The following FCHSD2 variants were observed in gnomAD, a reference collection of about 807,000 sequenced individuals.
FCHSD2 encodes F-BAR and double SH3 domains protein 2.
A neutral mutation model predicts 108.1 loss-of-function variants in FCHSD2; 38 were observed. The observed-to-expected ratio is 0.35, with a 90% CI of 0.27 to 0.46. The LOEUF is 0.46. FCHSD2 is among the 20% of genes least tolerant of loss of function. The pLI is 1.00. For synonymous variants in FCHSD2, 279 were observed against 314.7 expected (o/e 0.89, Z 1.20); for missense variants, 751 against 897.8 (o/e 0.84, Z 2.09).
intron 13 of FCHSD2, 99 bp downstream of exon 13, chr11:72,867,766 A>C (rs1404149874): frequency 8.0e-6 from 8 of 995,406 alleles, no homozygotes; most frequent in Non-Finnish European, 1.2e-5. Flanking sequence ...GCAAACTATT[A>C]TCTTTTTAAA....
intron 19 of FCHSD2, among the ~76,000 whole-genome samples, chr11:72,839,300 G>C (rs1397774474): frequency 6.6e-6 from 1 of 152,184 alleles, no homozygotes; most frequent in East Asian, 1.9e-4. Context: ...TTAAACATCT[G>C]CTTTAAGAAG....
At chr11:72,967,308 G>A (rs754323699) in intron 8 of FCHSD2, among the ~76,000 whole-genome samples, 18 of 151,968 alleles carry the variant, frequency 1.2e-4, no homozygotes, top group Non-Finnish European at 1.9e-4. Flanking sequence ...GGGGGAAATA[G>A]ATGAGAATAG....
chr11:72,969,141 CTAAGT>C (rs1228857564), intron 8 of FCHSD2, among the ~76,000 whole-genome samples: 3 of 152,182 alleles, frequency 2.0e-5, no homozygotes, highest in African/African-American at 7.2e-5. Context: ...ATTGTCAGCA[CTAAGT>C]TAATACTTGA....
At chr11:73,094,751 T>TTAATAA (rs1289142949) in intron 2 of FCHSD2, among the ~76,000 whole-genome samples, 1 of 152,224 alleles carries the variant, frequency 6.6e-6, no homozygotes, top group Non-Finnish European at 1.5e-5. Flanking sequence ...TGATAATTGT[T>TTAATAA]TAATAAAGAA....
At chr11:72,856,980 T>C (rs1861444093) in intron 13 of FCHSD2, among the ~76,000 whole-genome samples, 1 of 152,224 alleles carries the variant, frequency 6.6e-6, no homozygotes, top group African/African-American at 2.4e-5. Flanking sequence ...CATACATTTA[T>C]AAAAATGTGG....
intron 8 of FCHSD2, among the ~76,000 whole-genome samples, chr11:72,925,527 A>AAAAC (rs891794785): frequency 3.9e-5 from 6 of 152,202 alleles, no homozygotes; most frequent in East Asian, 3.8e-4. Context: ...CCCTATCTTT[A>AAAAC]AAACAAACAA....
intron 4 of FCHSD2, among the ~76,000 whole-genome samples, chr11:73,003,213 A>G (rs543499714): frequency 2.2e-4 from 34 of 152,326 alleles, no homozygotes; most frequent in African/African-American, 7.9e-4. Context: ...CAAAATAATC[A>G]TAAGTAGCAC....
chr11:73,132,904 G>T (rs1861037316), intron 2 of FCHSD2, among the ~76,000 whole-genome samples: 1 of 150,088 alleles, frequency 6.7e-6, no homozygotes, highest in Admixed American at 6.6e-5. Context: ...AATCATATAT[G>T]TTATAAAGAA....
At chr11:72,994,530 T>C (rs1857485296) in intron 5 of FCHSD2, among the ~76,000 whole-genome samples, 1 of 152,142 alleles carries the variant, frequency 6.6e-6, no homozygotes, top group Admixed American at 6.5e-5. Context: ...CCCATTAAAG[T>C]GTGTACCCTA....
At chr11:72,935,598 G>A (rs1020046332) in intron 8 of FCHSD2, among the ~76,000 whole-genome samples, 3 of 152,204 alleles carry the variant, frequency 2.0e-5, no homozygotes, top group South Asian at 4.1e-4. Flanking sequence ...CCCAAGCTAC[G>A]CCTAATCAGG....
chr11:72,939,609 C>CTTTT (rs1194333407), intron 8 of FCHSD2, among the ~76,000 whole-genome samples: 7 of 65,466 alleles, frequency 1.1e-4, no homozygotes, highest in African/African-American at 3.5e-4. Flanking sequence ...CTTTCTTTTC[C>CTTTT]TTTTTTTTTT....
At chr11:73,103,727 AAAG>A (rs1414834783) in intron 2 of FCHSD2, among the ~76,000 whole-genome samples, 1 of 152,218 alleles carries the variant, frequency 6.6e-6, no homozygotes, top group Non-Finnish European at 1.5e-5. Flanking sequence ...AAATGCAAAA[AAAG>A]AAAAGAGGAT....
chr11:72,910,260 C>T (rs557338750), intron 9 of FCHSD2, among the ~76,000 whole-genome samples: 1 of 152,252 alleles, frequency 6.6e-6, no homozygotes, highest in East Asian at 1.9e-4. Context: ...TGCCCGGCCA[C>T]CCCATCTGGG....
chr11:72,850,031 C>A, intron 13 of FCHSD2, 142 bp from the exon 14 acceptor site: 8 of 439,740 alleles, frequency 1.8e-5, no homozygotes, highest in Admixed American at 4.3e-5. Flanking sequence ...TTCGCACTTA[C>A]ATTTTTCATG....
At chr11:73,101,329 T>G (rs1022007328) in intron 2 of FCHSD2, among the ~76,000 whole-genome samples, 6 of 152,224 alleles carry the variant, frequency 3.9e-5, no homozygotes, top group Non-Finnish European at 8.8e-5. Context: ...AAGGTTAGGC[T>G]ACATCACTAA....
At chr11:72,874,052 T>C (rs533298815) in intron 12 of FCHSD2, among the ~76,000 whole-genome samples, 1 of 152,330 alleles carries the variant, frequency 6.6e-6, no homozygotes, top group South Asian at 2.1e-4. Flanking sequence ...GAACTGCATA[T>C]GATCTGGTGC....
At chr11:72,880,084 C>CAAA (rs1377927158) in intron 12 of FCHSD2, among the ~76,000 whole-genome samples, 1 of 137,788 alleles carries the variant, frequency 7.3e-6, no homozygotes, top group Non-Finnish European at 1.6e-5. Flanking sequence ...AACAAACAAA[C>CAAA]AAAAACCACC....
chr11:72,839,078 T>G (rs1860823311), intron 19 of FCHSD2, among the ~76,000 whole-genome samples: 1 of 152,168 alleles, frequency 6.6e-6, no homozygotes. Context: ...AGCCCACAAA[T>G]CAGCTTCTTG....
chr11:72,958,991 A>ATTG (rs879814044), intron 8 of FCHSD2, among the ~76,000 whole-genome samples: 2 of 41,660 alleles, frequency 4.8e-5, no homozygotes, highest in Non-Finnish European at 6.4e-5. Context: ...CATCAGTAAG[A>ATTG]TATGTGTGTG....
Sources: allele counts gnomAD v4.1 joint callset (sites outside exome capture counted in the v4.1 genomes callset), GRCh38; gene constraint gnomAD v4.1.1; transcripts MANE v1.5; gene names NCBI Gene and HGNC (gene_info 2026-07-23, HGNC 2026-07-21).